The following SRBD1 variants were observed in gnomAD, a reference collection of about 807,000 sequenced individuals.
The protein encoded by SRBD1 is S1 RNA binding domain 1.
SRBD1 carries 88 observed loss-of-function variants against 115.3 expected under a neutral mutation model. That is an observed-to-expected ratio of 0.76 (90% confidence interval 0.64 to 0.91). SRBD1 has a LOEUF of 0.91. SRBD1 is among the 40% of genes least tolerant of loss of function. The probability of loss-of-function intolerance (pLI) is 0.00; values close to 1 mark genes in which losing one functional copy is unlikely to be tolerated. For missense variants in SRBD1, 1,385 were observed against 1,177.4 expected (o/e 1.18, Z -2.58); for synonymous variants, 509 against 407.7 (o/e 1.25, Z -2.99).
intron 14 of SRBD1, among the ~76,000 whole-genome samples, chr2:45,538,394 G>A (rs921600683): frequency 1.3e-5 from 2 of 152,110 alleles, no homozygotes; most frequent in African/African-American, 2.4e-5. Context: ...GGGAAAATAA[G>A]AATAACAAAG....
At chr2:45,563,057 G>A (rs1201854554) in intron 9 of SRBD1, among the ~76,000 whole-genome samples, 1 of 152,082 alleles carries the variant, frequency 6.6e-6, no homozygotes, top group African/African-American at 2.4e-5. Flanking sequence ...TGATTATCTG[G>A]AGTTGGAAGG....
At position 45,551,126 on chromosome 2, in the gene SRBD1, A is replaced by G. The variant is rs1672284444; in HGVS notation, c.1674T>C (p.Thr558=). 3 of 1,590,702 alleles carry G rather than the reference A, an allele frequency of 1.9e-6. No individual in the cohort carries two copies. Among genetic ancestry groups the G allele is most frequent in the Non-Finnish European group, 2.6e-6 (3 of 1,173,484 alleles). ...HGCKLAIISP[T]SQILHTDVVY... ...ATGGAAAATTGCAAGACAACTTACT[A>G]GTAGGAGAAATTATAGCTAATTTGC... The change falls in exon 12 of 21, where the codon ACT becomes ACC. Residue 558 remains threonine, a splice_region_variant and synonymous_variant. Coordinates refer to ENST00000263736, the MANE Select transcript of SRBD1 (RefSeq NM_018079.5).
chr2:45,533,568 C>T (rs887026858), intron 14 of SRBD1, among the ~76,000 whole-genome samples: 17 of 152,014 alleles, frequency 1.1e-4, no homozygotes, highest in Non-Finnish European at 2.2e-4. Flanking sequence ...AAATTGTATA[C>T]AGGAAATTGG....
chr2:45,481,870 T>C (rs1377173895), intron 15 of SRBD1, among the ~76,000 whole-genome samples: 3 of 152,130 alleles, frequency 2.0e-5, no homozygotes, highest in African/African-American at 4.8e-5. Flanking sequence ...AAAGACCACA[T>C]ATTGTATGAT....
chr2:45,418,261 G>A, intron 18 of SRBD1, 104 bp downstream of exon 18: 1 of 1,360,458 alleles, frequency 7.4e-7, no homozygotes, highest in Non-Finnish European at 1.0e-6. Flanking sequence ...ATGAAGGCAT[G>A]AACAATGGAC....
intron 10 of SRBD1, among the ~76,000 whole-genome samples, chr2:45,557,494 C>T (rs1160045116): frequency 1.3e-5 from 2 of 152,204 alleles, no homozygotes; most frequent in East Asian, 1.9e-4. Flanking sequence ...GCTCTCCTCC[C>T]CTTCCTGGAA....
chr2:45,521,425 G>A (rs1042803370), intron 14 of SRBD1, among the ~76,000 whole-genome samples: 1 of 151,756 alleles, frequency 6.6e-6, no homozygotes, highest in African/African-American at 2.4e-5. Flanking sequence ...TTAGTCACTA[G>A]GGAAATGTAA....
intron 14 of SRBD1, among the ~76,000 whole-genome samples, chr2:45,491,039 T>A (rs1670276285): frequency 6.6e-6 from 1 of 151,524 alleles, no homozygotes. Flanking sequence ...ACTGAAGAAG[T>A]ATATGTGACT....
chr2:45,486,745 AAAATAAAATAAAAT>A (rs1670133746), intron 15 of SRBD1, among the ~76,000 whole-genome samples: 2 of 147,308 alleles, frequency 1.4e-5, no homozygotes, highest in African/African-American at 5.2e-5. Flanking sequence ...AAAATAAAAT[AAAATAAAATAAAAT>A]AAATAAATAA....
intron 7 of SRBD1, among the ~76,000 whole-genome samples, chr2:45,575,858 C>T (rs1673159020): frequency 6.6e-6 from 1 of 152,078 alleles, no homozygotes. Context: ...CACACACCAC[C>T]ACACCCAGCT....
At chr2:45,553,795 C>A in intron 10 of SRBD1, 65 bp from the exon 11 acceptor site, 1 of 1,036,774 alleles carries the variant, frequency 9.6e-7, no homozygotes. Context: ...AAAAGGCTCC[C>A]AAAAAGAAGG....
chr2:45,414,693 CACAT>C (rs778484291), intron 18 of SRBD1, among the ~76,000 whole-genome samples: 128 of 145,592 alleles, frequency 8.8e-4, no homozygotes, highest in African/African-American at 2.6e-3. Flanking sequence ...TATACACACA[CACAT>C]AGTGTGTATA....
chr2:45,495,243 C>G (rs1041128064), intron 14 of SRBD1, among the ~76,000 whole-genome samples: 2 of 152,172 alleles, frequency 1.3e-5, no homozygotes, highest in South Asian at 4.1e-4. Context: ...AACTAAAAAG[C>G]AGAGCTTTAA....
chr2:45,404,254 G>C (rs1314032846), intron 19 of SRBD1, among the ~76,000 whole-genome samples: 1 of 152,134 alleles, frequency 6.6e-6, no homozygotes, highest in African/African-American at 2.4e-5. Flanking sequence ...GACGGGTTCA[G>C]ATTTAGGCAT....
intron 16 of SRBD1, among the ~76,000 whole-genome samples, chr2:45,431,764 C>A (rs1404090522): frequency 6.6e-6 from 1 of 151,978 alleles, no homozygotes; most frequent in Non-Finnish European, 1.5e-5. Flanking sequence ...TATCCCAGAA[C>A]TTAAAGTATA....
At chr2:45,591,851 G>A (rs111728423) in intron 4 of SRBD1, among the ~76,000 whole-genome samples, 2,867 of 152,310 alleles carry the variant, frequency 0.019, 103 homozygotes, top group African/African-American at 0.066. Context: ...GCAGACACCA[G>A]GGAGAAGCAA....
chr2:45,582,563 A>T (rs1305879569), intron 5 of SRBD1, among the ~76,000 whole-genome samples: 1 of 152,160 alleles, frequency 6.6e-6, no homozygotes, highest in Non-Finnish European at 1.5e-5. Flanking sequence ...TCACTGATTT[A>T]TTTATATCAC....
intron 14 of SRBD1, among the ~76,000 whole-genome samples, chr2:45,525,508 C>T (rs961755633): frequency 5.3e-5 from 8 of 151,756 alleles, no homozygotes; most frequent in African/African-American, 9.7e-5. Flanking sequence ...TAAGTTTAAG[C>T]GATCTACTGT....
At chr2:45,451,297 G>A (rs922565517) in intron 16 of SRBD1, among the ~76,000 whole-genome samples, 3 of 152,044 alleles carry the variant, frequency 2.0e-5, no homozygotes, top group Admixed American at 6.6e-5. Context: ...TACAGACATA[G>A]ATGATGGTAT....
Sources: allele counts gnomAD v4.1 joint callset (sites outside exome capture counted in the v4.1 genomes callset), GRCh38; gene constraint gnomAD v4.1.1; transcripts MANE v1.5; gene names NCBI Gene and HGNC (gene_info 2026-07-23, HGNC 2026-07-21).